HK1: variants seen among roughly 807,000 people sequenced by gnomAD.
The protein encoded by HK1 is hexokinase-1.
A neutral mutation model predicts 91.6 loss-of-function variants in HK1; 28 were observed. That is an observed-to-expected ratio of 0.31 (90% CI 0.23 to 0.42). HK1 has a LOEUF of 0.42. Among genes scored for constraint, HK1 ranks in the 10% least tolerant of loss-of-function variants. The pLI is 1.00. For missense variants in HK1, 770 were observed against 1,219.8 expected (o/e 0.63, Z 5.49); for synonymous variants, 430 against 468.1 (o/e 0.92, Z 1.05).
At chr10:69,334,896 G>A (rs571134346) in intron 1 of HK1, among the ~76,000 whole-genome samples, 35 of 152,310 alleles carry the variant, frequency 2.3e-4, no homozygotes, top group African/African-American at 8.4e-4. Context: ...GTGGGGTGGG[G>A]CGGATCATGG....
chr10:69,398,879 G>C lies in HK1; in HGVS notation c.2609+51G>C, dbSNP rs1212149947. On this transcript the variant is annotated intron_variant, in intron 17 of 17. Transcript: ENST00000359426. Reference sequence around the variant, plus strand: ...CGCAGAGCTTGCTGGGATCCCTTTGGGTTAGGGGGTATCAGGGTGTGGTTT... The same window carrying C: ...CGCAGAGCTTGCTGGGATCCCTTTGCGTTAGGGGGTATCAGGGTGTGGTTT... The C allele has an allele frequency of 4.3e-6, 6 of 1,410,994 alleles. No homozygotes were observed. The South Asian group carries it at 6.0e-5, about 14-fold the overall frequency. The allele number at this position is 1,410,994 out of a possible 1,614,324, so 87.4% of individuals were successfully genotyped here. A position where few individuals can be genotyped will look rare whatever the true frequency, so the allele number is the denominator to read the frequency against.
At chr10:69,362,763 G>T (rs1273034034) in intron 3 of HK1, among the ~76,000 whole-genome samples, 1 of 152,208 alleles carries the variant, frequency 6.6e-6, no homozygotes, top group Non-Finnish European at 1.5e-5. Flanking sequence ...GCCTCCGAGT[G>T]CAGATGGCGT....
chr10:69,316,394 C>T (rs1036096974), upstream of HK1, among the ~76,000 whole-genome samples: 1 of 152,124 alleles, frequency 6.6e-6, no homozygotes, highest in Non-Finnish European at 1.5e-5. Context: ...GGCCAGGAGC[C>T]GAGGAGGACA....
At chr10:69,364,944 G>C in intron 4 of HK1, 42 bp downstream of exon 4, 1 of 1,612,500 alleles carries the variant, frequency 6.2e-7, no homozygotes, top group Non-Finnish European at 8.5e-7. Context: ...AGATGCCCCG[G>C]GATGGAAAAG....
At chr10:69,294,659 C>T (rs1845463687) in intron 3 of HK1, among the ~76,000 whole-genome samples, 1 of 151,850 alleles carries the variant, frequency 6.6e-6, no homozygotes, top group African/African-American at 2.4e-5. Context: ...AGTTCAAGAC[C>T]AGCTGGGCCA....
At chr10:69,357,012 A>T (rs2132748000) in intron 2 of HK1, among the ~76,000 whole-genome samples, 1 of 152,320 alleles carries the variant, frequency 6.6e-6, no homozygotes, top group Middle Eastern at 3.4e-3. Context: ...GTCATCAGAG[A>T]AATGCAAATT....
chr10:69,343,959 A>G lies in HK1; in HGVS notation c.196A>G (p.Thr66Ala). Reference protein sequence around the residue: ...NPTATVKMLPTFVRSIPDGSE... With the variant: ...NPTATVKMLPAFVRSIPDGSE... The stretch of plus-strand genomic sequence containing the variant: ...AACAGCCACAGTCAAGATGTTGCCA[A>G]CATTCGTAAGGTCCATTCCTGATGG... The change falls in exon 2 of 18, where the codon ACA becomes GCA. Residue 66 changes from threonine (T) to alanine (A), a missense_variant. Physicochemically the swap from Thr to Ala is moderately conservative, Grantham distance 58. Around this residue, in one of 7 missense-constraint regions of HK1, gnomAD observed 449 missense variants for 665.1 expected, o/e 0.68. Transcript: ENST00000359426. The G allele has an allele frequency of 6.2e-7, 1 of 1,614,184 alleles. No homozygotes were observed. Among genetic ancestry groups the G allele is most frequent in the Non-Finnish European group, 8.5e-7 (1 of 1,179,994 alleles).
chr10:69,318,490 C>T (rs1055049968), upstream of HK1, among the ~76,000 whole-genome samples: 1 of 152,224 alleles, frequency 6.6e-6, no homozygotes, highest in African/African-American at 2.4e-5. Flanking sequence ...GGCGGTGCCT[C>T]CTGCCTGCGC....
upstream of HK1, chr10:69,318,727 C>A: frequency 2.5e-6 from 2 of 811,276 alleles, no homozygotes; most frequent in Middle Eastern, 3.9e-4. Flanking sequence ...AACCAATGGG[C>A]GTGGAGGAGG....
In HK1 at chr10:69,398,892, CAG is replaced by C. The variant is rs540207556; in HGVS notation, c.2609+65_2609+66del. 8.1e-4 allele frequency: 1,064 copies of C among 1,317,838 alleles called. 7 individuals are homozygous for C. In the African/African-American group the frequency reaches 0.013, roughly 16 times the overall value. 81.6% of individuals were successfully genotyped at this position (1,317,838 alleles called of 1,614,324 possible). On this transcript the variant is annotated intron_variant, in intron 17 of 17. Coordinates refer to ENST00000359426, the MANE Select transcript of HK1 (RefSeq NM_000188.3). ...GGGATCCCTTTGGGTTAGGGGGTAT[CAG>C]GGTGTGGTTTACGCTGGGGAAATGC...
chr10:69,351,369 C>T (rs1213597430), intron 2 of HK1, among the ~76,000 whole-genome samples: 5 of 151,894 alleles, frequency 3.3e-5, no homozygotes, highest in Admixed American at 2.0e-4. Context: ...ATGAGCTGGG[C>T]GTGGTGGTGG....
intron 4 of HK1, among the ~76,000 whole-genome samples, chr10:69,299,738 T>G (rs1481404516): frequency 6.6e-6 from 1 of 151,530 alleles, no homozygotes; most frequent in Admixed American, 6.6e-5. Context: ...CTCGGCTCAC[T>G]GCAACCTCTG....
chr10:69,304,167 TA>T (rs1396605537), intron 5 of HK1, among the ~76,000 whole-genome samples: 1 of 152,198 alleles, frequency 6.6e-6, no homozygotes, highest in Non-Finnish European at 1.5e-5. Flanking sequence ...CCATAATTTC[TA>T]ATCTTTTTGC....
At chr10:69,373,145 AG>A (rs1850104333) in intron 7 of HK1, among the ~76,000 whole-genome samples, 2 of 152,214 alleles carry the variant, frequency 1.3e-5, no homozygotes, top group Non-Finnish European at 2.9e-5. Flanking sequence ...CTGGGATTAC[AG>A]ACGTGAGCCC....
At chr10:69,379,035 A>G (rs1839256027) in intron 8 of HK1, among the ~76,000 whole-genome samples, 1 of 152,206 alleles carries the variant, frequency 6.6e-6, no homozygotes, top group Admixed American at 6.5e-5. Context: ...TGCCGCAGTA[A>G]CAGACACAGT....
rs1204221195 is a variant in HK1 at position 69,369,829 on chromosome 10, C to T, written c.875+205C>T. On this transcript the variant is annotated intron_variant, in intron 7 of 17. Coordinates refer to ENST00000359426, the MANE Select transcript of HK1 (RefSeq NM_000188.3). This position sits in a 1 kb window ranked among gnomAD's most constrained non-coding sequence, Gnocchi z 4.4. ...TCTCAGCTCATTGCAACCTCCACCTCCTGGGTTCAAGCGATTCTCCTGCCT... is the reference window on the plus strand; with the variant it reads ...TCTCAGCTCATTGCAACCTCCACCTTCTGGGTTCAAGCGATTCTCCTGCCT... 6.6e-6 allele frequency among the ~76,000 whole-genome samples: 1 copy of T among 152,290 alleles called. No individual in the cohort carries two copies. The highest frequency in any genetic ancestry group is 2.1e-4 in the South Asian group (1 of 4,824).
chr10:69,382,684 A>G lies in HK1; in HGVS notation c.1463A>G (p.Lys488Arg), dbSNP rs1249440011. 1 of 1,613,870 alleles carries G rather than the reference A, an allele frequency of 6.2e-7. No homozygotes were observed. The highest frequency in any genetic ancestry group is 8.5e-7 in the Non-Finnish European group (1 of 1,179,946). ...ACCAAGGACATGCTGCTGGAGGTGA[A>G]GAAGAGGATGCGGGCCGAGATGGAG... ...HLTKDMLLEV[K>R]KRMRAEMELG... Residue 488 changes from lysine to arginine, a missense_variant, in exon 10 of 18, where the codon AAG becomes AGG. Coordinates refer to ENST00000359426, the MANE Select transcript of HK1 (RefSeq NM_000188.3).
chr10:69,315,229 A>G (rs1173696951), upstream of HK1, among the ~76,000 whole-genome samples: 1 of 152,246 alleles, frequency 6.6e-6, no homozygotes, highest in Admixed American at 6.5e-5. Flanking sequence ...AAACATTGCT[A>G]TTCAGAGTGT....
At chr10:69,389,334 A>AAAG in intron 14 of HK1, 38 bp downstream of exon 14, 2 of 1,494,370 alleles carry the variant, frequency 1.3e-6, no homozygotes, top group Non-Finnish European at 1.8e-6. Flanking sequence ...TGCAGAAGGG[A>AAAG]AGGCTGGGGT....
Sources: gnomAD v4.1 joint callset for allele counts (sites outside exome capture counted in the v4.1 genomes callset) on GRCh38, gnomAD v4.1.1 for gene constraint, gnomAD v4.1.1 regional missense constraint, Gnocchi (gnomAD v3.1) non-coding constraint, MANE v1.5 for transcripts, NCBI Gene and HGNC (gene_info 2026-07-23, HGNC 2026-07-21) for gene names.